OR5A1: variants seen among roughly 807,000 people sequenced by gnomAD.
OR5A1 encodes the protein olfactory receptor 5A1.
OR5A1 carries 6 observed loss-of-function variants against 6.7 expected under a neutral mutation model. The observed-to-expected ratio is 0.89, with a 90% CI of 0.49 to 1.76. The LOEUF (loss-of-function observed/expected upper bound fraction) is 1.76, where lower values mean the gene tolerates loss of function less well. Ranked by LOEUF, OR5A1 falls within the 40% of genes most tolerant of loss-of-function variation. The pLI is 0.01. For synonymous variants in OR5A1, 170 were observed against 155.0 expected, an observed-to-expected ratio of 1.10 and a Z score of -0.72; for missense variants, 378 against 381.7, an observed-to-expected ratio of 0.99 and a Z score of 0.08.
chr11:59,437,732 A>C (rs546193997), intron 1 of OR5A1, among the ~76,000 whole-genome samples: 1 of 152,336 alleles, frequency 6.6e-6, no homozygotes, highest in South Asian at 2.1e-4. Flanking sequence ...GGATTTACAT[A>C]CAAGTTTGTT....
In OR5A1 at chr11:59,448,070, A is replaced by C. The variant is rs941849758; in HGVS notation, c.*3954A>C. The C allele has an allele frequency of 6.6e-6, 1 of 151,962 alleles. No homozygotes were observed. The highest frequency in any genetic ancestry group is 2.4e-5 in the African/African-American group (1 of 41,336). The allele number at this position is 151,962 out of a possible 1,614,324, so 9.4% of individuals were successfully genotyped here. On this transcript the variant is annotated 3_prime_UTR_variant, in exon 2 of 2. Coordinates refer to ENST00000641045, the MANE Select transcript of OR5A1 (RefSeq NM_001004728.2). The stretch of plus-strand genomic sequence containing the variant: ...TGAGCTTTAAAAAAATCACAAAAAA[A>C]CTCTTAATGTGTTAAGGAAGTTTAC...
At chr11:59,437,294 G>T (rs1024102478) in intron 1 of OR5A1, among the ~76,000 whole-genome samples, 9 of 152,134 alleles carry the variant, frequency 5.9e-5, no homozygotes, top group Non-Finnish European at 1.0e-4. Context: ...ATCCATAGTA[G>T]CTTCACTGTC....
At position 59,445,712 on chromosome 11, in the gene OR5A1, T is replaced by C. The variant is rs1858540067; in HGVS notation, c.*1596T>C. 6.6e-6 allele frequency: 1 copy of C among 152,228 alleles called. No homozygotes were observed. Among genetic ancestry groups the C allele is most frequent in the South Asian group, 2.1e-4 (1 of 4,832 alleles). 9.4% of individuals were successfully genotyped at this position (152,228 alleles called of 1,614,324 possible). A position where few individuals can be genotyped will look rare whatever the true frequency, so the allele number is the denominator to read the frequency against. ...TTAATAATTGCCATTCTGACTAGCATGAGATGGTATCTCATTGTGATTTTT... is the reference window on the plus strand; with the variant it reads ...TTAATAATTGCCATTCTGACTAGCACGAGATGGTATCTCATTGTGATTTTT... On this transcript the variant is annotated 3_prime_UTR_variant, in exon 2 of 2. Transcript: ENST00000641045.
At position 59,444,285 on chromosome 11, in the gene OR5A1, CCATAGATAG is replaced by C. The variant is rs1320665124; in HGVS notation, c.*171_*179del. 7.5e-6 allele frequency: 2 copies of C among 267,712 alleles called. No homozygotes were observed. Among genetic ancestry groups the C allele is most frequent in the African/African-American group, 4.8e-5 (2 of 42,098 alleles). The allele number at this position is 267,712 out of a possible 1,614,324, so 16.6% of individuals were successfully genotyped here. A position where few individuals can be genotyped will look rare whatever the true frequency, so the allele number is the denominator to read the frequency against. Reference sequence around the variant, plus strand: ...CATGGTCACTTGTCTACTGACTGTGCCATAGATAGCCAAAAAGGGAAGGAATTTCTTCAG... The same window carrying C: ...CATGGTCACTTGTCTACTGACTGTGCCCAAAAAGGGAAGGAATTTCTTCAG... On this transcript the variant is annotated 3_prime_UTR_variant, in exon 2 of 2. Transcript: ENST00000641045.
At chr11:59,437,422 C>T (rs186584263) in intron 1 of OR5A1, among the ~76,000 whole-genome samples, 1 of 152,274 alleles carries the variant, frequency 6.6e-6, no homozygotes, top group East Asian at 1.9e-4. Flanking sequence ...TAGGTGGAAT[C>T]ATACCCTACG....
intron 1 of OR5A1, among the ~76,000 whole-genome samples, chr11:59,437,246 G>A (rs1026316): frequency 0.81 from 123,012 of 152,006 alleles, 52,174 homozygotes; most frequent in Middle Eastern, 0.95. Context: ...GTGGGTTTGG[G>A]CAAATGTATG....
At position 59,448,822 on chromosome 11, in the gene OR5A1, AT is replaced by A. The variant is rs1476259842; in HGVS notation, c.*4707del. On this transcript the variant is annotated 3_prime_UTR_variant, in exon 2 of 2. Transcript: ENST00000641045. ...ATTATAATTGATCTGTTGGAAAAAA[AT>A]CAATTATGTGACCCAAATTGTGACC... The A allele has an allele frequency of 6.6e-6, 1 of 152,196 alleles. No individual in the cohort carries two copies. The highest frequency in any genetic ancestry group is 1.5e-5 in the Non-Finnish European group (1 of 68,026). 9.4% of individuals were successfully genotyped at this position (152,196 alleles called of 1,614,324 possible). A position where few individuals can be genotyped will look rare whatever the true frequency, so the allele number is the denominator to read the frequency against.
In OR5A1 at chr11:59,443,304, C is replaced by T; in HGVS notation, c.136C>T (p.Leu46=). 6.8e-6 allele frequency: 11 copies of T among 1,613,814 alleles called. No individual in the cohort carries two copies. Among genetic ancestry groups the T allele is most frequent in the Non-Finnish European group, 9.3e-6 (11 of 1,179,988 alleles). ...GIYLTTLAWN[L]ALIFLIRGDT... is the part of the protein sequence containing the mutation. Reference sequence around the variant, plus strand: ...CTATCTTACCACCCTGGCCTGGAACCTGGCCCTCATTTTTCTGATCAGAGG... The same window carrying T: ...CTATCTTACCACCCTGGCCTGGAACTTGGCCCTCATTTTTCTGATCAGAGG... Residue 46 remains leucine (L), a synonymous_variant, in exon 2 of 2, where the codon CTG becomes TTG. Transcript: ENST00000641045.
Position 59,443,550 on chromosome 11 carries a change from G to A in OR5A1, c.382G>A (p.Ala128Thr), listed in dbSNP as rs757379930. The A allele has an allele frequency of 5.0e-6, 8 of 1,613,896 alleles. No individual in the cohort carries two copies. The highest frequency in any genetic ancestry group is 6.8e-6 in the Non-Finnish European group (8 of 1,180,018). Residue 128 changes from alanine to threonine, a missense_variant, in exon 2 of 2, where the codon GCC (alanine) becomes ACC (threonine). Transcript: ENST00000641045. ...LTAMAYDRYAAISSPLLYPTI... is the reference protein window; with the variant it reads ...LTAMAYDRYATISSPLLYPTI... ...TGCTATGGCATACGACCGATATGCA[G>A]CCATCTCCAGCCCCCTTCTCTACCC...
rs765880623 is a variant in OR5A1 at position 59,443,951 on chromosome 11, G to A, written c.783G>A (p.Val261=). The A allele has an allele frequency of 1.2e-6, 2 of 1,614,072 alleles. No homozygotes were observed. The highest frequency in any genetic ancestry group is 1.7e-6 in the Non-Finnish European group (2 of 1,180,022). ...TGCTGTTTGGGACAGCCCTTTTCGT[G>A]TACTTGCGACCCAGCTCCAGCTACT... ...VTLLFGTALF[V]YLRPSSSYLL... is the part of the protein sequence containing the mutation. The change falls in exon 2 of 2, where the codon GTG becomes GTA. Residue 261 remains valine (V), a synonymous_variant. Transcript: ENST00000641045.
At chr11:59,441,542 T>C (rs1229149073) in intron 1 of OR5A1, among the ~76,000 whole-genome samples, 1 of 152,226 alleles carries the variant, frequency 6.6e-6, no homozygotes, top group Non-Finnish European at 1.5e-5. Flanking sequence ...TCATTCACCA[T>C]AAGCCACATG....
rs148726796 is a variant in OR5A1, at chr11:59,449,818, G to A, written c.*5702G>A. On this transcript the variant is annotated 3_prime_UTR_variant, in exon 2 of 2. Transcript: ENST00000641045. ...TTGTTGGGGAACTACTGCACATCAG[G>A]AGTTGCAAATGGACACCCCTTTGTT... is the stretch of plus-strand genomic sequence containing the variant. 7.1e-3 allele frequency: 1,086 copies of A among 152,254 alleles called. 5 individuals are homozygous for A. Among genetic ancestry groups the A allele is most frequent in the Non-Finnish European group, 0.01 (682 of 68,020 alleles). 9.4% of individuals were successfully genotyped at this position (152,254 alleles called of 1,614,324 possible).
Position 59,436,514 on chromosome 11 carries a change from AC to A in OR5A1, c.-350del, listed in dbSNP as rs1174851351. The A allele has an allele frequency of 6.6e-6, 1 of 151,994 alleles. No homozygotes were observed. Among genetic ancestry groups the A allele is most frequent in the Non-Finnish European group, 1.5e-5 (1 of 68,016 alleles). 9.4% of individuals were successfully genotyped at this position (151,994 alleles called of 1,614,324 possible). A position where few individuals can be genotyped will look rare whatever the true frequency, so the allele number is the denominator to read the frequency against. On this transcript the variant is annotated 5_prime_UTR_variant, in exon 1 of 2. It introduces an in-frame stop codon into an upstream open reading frame of the 5' UTR. Coordinates refer to ENST00000641045, the MANE Select transcript of OR5A1 (RefSeq NM_001004728.2). ...GAAGAAAAAAACCTCTCCCCAATTT[AC>A]CCCCAACCCCAGCTTTGAACATTTT...
At position 59,448,286 on chromosome 11, in the gene OR5A1, C is replaced by G. The variant is rs1858575062; in HGVS notation, c.*4170C>G. The G allele has an allele frequency of 6.6e-6, 1 of 152,050 alleles. No individual in the cohort carries two copies. Among genetic ancestry groups the G allele is most frequent in the African/African-American group, 2.4e-5 (1 of 41,374 alleles). The allele number at this position is 152,050 out of a possible 1,614,324, so 9.4% of individuals were successfully genotyped here. A position where few individuals can be genotyped will look rare whatever the true frequency, so the allele number is the denominator to read the frequency against. On this transcript the variant is annotated 3_prime_UTR_variant, in exon 2 of 2. Coordinates refer to ENST00000641045, the MANE Select transcript of OR5A1 (RefSeq NM_001004728.2). ...AAACAGGAGGAAAAGGGAAGGAACTCCCCATACACATACTAAGATCTTTAA... is the reference window on the plus strand; with the variant it reads ...AAACAGGAGGAAAAGGGAAGGAACTGCCCATACACATACTAAGATCTTTAA...
In OR5A1 at chr11:59,444,317, CAG is replaced by C. The variant is rs1858522530; in HGVS notation, c.*203_*204del. ...TAGCCAAAAAGGGAAGGAATTTCTT[CAG>C]AAAAAAAAAAAAAAAAAAAAGAACC... is the stretch of plus-strand genomic sequence containing the variant. On this transcript the variant is annotated 3_prime_UTR_variant, in exon 2 of 2. Transcript: ENST00000641045. 12 of 59,160 alleles carry C rather than the reference CAG, an allele frequency of 2.0e-4. No individual in the cohort carries two copies. Among genetic ancestry groups the C allele is most frequent in the Middle Eastern group, 0.012 (1 of 82 alleles). 3.7% of individuals were successfully genotyped at this position (59,160 alleles called of 1,614,324 possible). A position where few individuals can be genotyped will look rare whatever the true frequency, so the allele number is the denominator to read the frequency against.
chr11:59,443,350 C>T lies in OR5A1; in HGVS notation c.182C>T (p.Pro61Leu), dbSNP rs759391203. 3.0e-5 allele frequency: 48 copies of T among 1,613,724 alleles called. No individual in the cohort carries two copies. The highest frequency in any genetic ancestry group is 3.8e-5 in the Non-Finnish European group (45 of 1,180,028). Residue 61 changes from proline to leucine, a missense_variant, in exon 2 of 2, where the codon CCC becomes CTC. By Grantham distance (98) the Pro-to-Leu change is moderately conservative. Coordinates refer to ENST00000641045, the MANE Select transcript of OR5A1 (RefSeq NM_001004728.2). ...AGAGGTGACACCCATCTGCACACAC[C>T]CATGTACTTCTTCCTAAGCAACTTA... ...LIRGDTHLHT[P>L]MYFFLSNLSF...
rs1397273666 is a variant in OR5A1 at position 59,443,936 on chromosome 11, G to A, written c.768G>A (p.Gly256=). The A allele has an allele frequency of 6.2e-7, 1 of 1,613,940 alleles. No individual in the cohort carries two copies. Among genetic ancestry groups the A allele is most frequent in the Non-Finnish European group, 8.5e-7 (1 of 1,180,010 alleles). ...SHLMVVTLLF[G]TALFVYLRPS... is the part of the protein sequence containing the mutation. ...TGATGGTGGTGACTCTGCTGTTTGG[G>A]ACAGCCCTTTTCGTGTACTTGCGAC... The change falls in exon 2 of 2, where the codon GGG becomes GGA. Residue 256 remains glycine, a synonymous_variant. Coordinates refer to ENST00000641045, the MANE Select transcript of OR5A1 (RefSeq NM_001004728.2).
intron 1 of OR5A1, among the ~76,000 whole-genome samples, chr11:59,438,743 T>C (rs1372946140): frequency 6.6e-6 from 1 of 152,194 alleles, no homozygotes; most frequent in Non-Finnish European, 1.5e-5. Context: ...AGGCCTGTAA[T>C]CCAGACACAC....
Position 59,443,857 on chromosome 11 carries a change from A to G in OR5A1, c.689A>G (p.Lys230Arg). The change falls in exon 2 of 2, where the codon AAG (lysine) becomes AGG (arginine). Residue 230 changes from lysine (K) to arginine (R), a missense_variant. Physicochemically the swap from Lys to Arg is conservative, Grantham distance 26. Coordinates refer to ENST00000641045, the MANE Select transcript of OR5A1 (RefSeq NM_001004728.2). ...GGTTACATAGTGTCTGCGGTCCTGA[A>G]GATCCCTTCAGCAGAGGGCCGATGG... ...SYGYIVSAVLKIPSAEGRWKA... is the reference protein window; with the variant it reads ...SYGYIVSAVLRIPSAEGRWKA... The G allele has an allele frequency of 6.2e-7, 1 of 1,614,088 alleles. No individual in the cohort carries two copies. Among genetic ancestry groups the G allele is most frequent in the Non-Finnish European group, 8.5e-7 (1 of 1,180,008 alleles).
Sources: gnomAD v4.1 joint callset for allele counts (sites outside exome capture counted in the v4.1 genomes callset) on GRCh38, gnomAD v4.1.1 for gene constraint, MANE v1.5 for transcripts, NCBI Gene and HGNC (gene_info 2026-07-23, HGNC 2026-07-21) for gene names.